RIF1: variants seen among roughly 807,000 people sequenced by gnomAD.
RIF1 encodes the protein telomere-associated protein RIF1.
RIF1 carries 45 observed loss-of-function variants against 247.1 expected under a neutral mutation model. The observed-to-expected ratio is 0.18, with a 90% CI of 0.14 to 0.23. The LOEUF (loss-of-function observed/expected upper bound fraction) is 0.23. Among genes scored for constraint, RIF1 ranks in the 10% least tolerant of loss-of-function variants. The pLI, the probability that RIF1 is intolerant of heterozygous loss-of-function variation, is 1.00. For missense variants in RIF1, 2,967 were observed against 2,862.5 expected, an observed-to-expected ratio of 1.04 and a Z score of -0.83; for synonymous variants, 1,087 against 978.8, an observed-to-expected ratio of 1.11 and a Z score of -2.06.
intron 34 of RIF1, among the ~76,000 whole-genome samples, chr2:151,470,141 A>G (rs1465254648): frequency 5.3e-5 from 8 of 152,190 alleles, no homozygotes; most frequent in East Asian, 1.9e-4. Flanking sequence ...TACCAAAACC[A>G]TACAGATTTG....
intron 18 of RIF1, among the ~76,000 whole-genome samples, 194 bp from the exon 19 acceptor site, chr2:151,445,144 A>C (rs1292961870): frequency 3.3e-5 from 5 of 152,248 alleles, no homozygotes; most frequent in Non-Finnish European, 7.3e-5. Flanking sequence ...GTAGGACCTC[A>C]TCTGAACATA....
Position 151,446,549 on chromosome 2 carries a change from T to G in RIF1, c.2218T>G (p.Ser740Ala), listed in dbSNP as rs749695289. 2 of 1,612,956 alleles carry G rather than the reference T, an allele frequency of 1.2e-6. No homozygotes were observed. The highest frequency in any genetic ancestry group is 1.7e-6 in the Non-Finnish European group (2 of 1,179,838). ...TGAGGAACTTTCTTCCAAGATAATGTCCAGTTTGGAAGATGAAGGCTTTTC... is the reference window on the plus strand; with the variant it reads ...TGAGGAACTTTCTTCCAAGATAATGGCCAGTTTGGAAGATGAAGGCTTTTC... ...CCEELSSKIM[S>A]SLEDEGFSNL... Residue 740 changes from serine (S) to alanine (A), a missense_variant, in exon 20 of 36, where the codon TCC becomes GCC. Around this residue, in one of 7 missense-constraint regions of RIF1, gnomAD observed 2,028 missense variants for 1,825.6 expected, o/e 1.11. Transcript: ENST00000444746.
chr2:151,426,574 T>G (rs1054165177), intron 8 of RIF1, among the ~76,000 whole-genome samples: 15 of 152,172 alleles, frequency 9.9e-5, no homozygotes, highest in African/African-American at 3.6e-4. Context: ...GTGATGAATC[T>G]GCATATAATG....
At position 151,441,960 on chromosome 2, in the gene RIF1, C is replaced by T. The variant is rs1316102756; in HGVS notation, c.1703C>T (p.Ala568Val). ...CCTCAGAAAGTATTAGGTTCACCAG[C>T]ATATCAGGTTGCTAATATGGATATT... ...GLPQKVLGSPAYQVANMDILN... is the reference protein window; with the variant it reads ...GLPQKVLGSPVYQVANMDILN... The change falls in exon 16 of 36, where the codon GCA becomes GTA. Residue 568 changes from alanine to valine, a missense_variant. Physicochemically the swap from Ala to Val is moderately conservative, Grantham distance 64. This residue lies in a region of RIF1 where 369 missense variants were observed against 322.0 expected (regional missense o/e 1.15). Transcript: ENST00000444746. 3 of 1,560,118 alleles carry T rather than the reference C, an allele frequency of 1.9e-6. No homozygotes were observed. The highest frequency in any genetic ancestry group is 2.6e-6 in the Non-Finnish European group (3 of 1,146,440).
rs1558975716 is a variant in RIF1 at position 151,442,387 on chromosome 2, T to TA, written c.1734+396_1734+397insA. Among the ~76,000 whole-genome samples the TA allele has an allele frequency of 3.8e-3, 571 of 149,602 alleles. 3 individuals are homozygous for TA. The highest frequency in any genetic ancestry group is 0.01 in the Middle Eastern group (3 of 292). The stretch of plus-strand genomic sequence containing the variant: ...TGTGCCCAGCATATTTCCCTTTTTT[T>TA]TAAAAAAAAAAAAAAAAAGAAAGAT... On this transcript the variant is annotated intron_variant, in intron 16 of 35. Coordinates refer to ENST00000444746, the MANE Select transcript of RIF1 (RefSeq NM_018151.5).
At chr2:151,454,431 T>C (rs1010345510) in intron 21 of RIF1, among the ~76,000 whole-genome samples, 4 of 152,174 alleles carry the variant, frequency 2.6e-5, no homozygotes, top group Non-Finnish European at 5.9e-5. Context: ...TTCAATGTTA[T>C]TTGTAGGGAT....
At position 151,481,676 on chromosome 2, in the gene RIF1, CTGCAAATAA is replaced by C. The variant is rs1256290560; in HGVS notation, c.*6608_*6616del. 2.6e-5 allele frequency: 4 copies of C among 152,196 alleles called. No individual in the cohort carries two copies. The highest frequency in any genetic ancestry group is 6.5e-5 in the Admixed American group (1 of 15,280). 9.4% of individuals were successfully genotyped at this position (152,196 alleles called of 1,614,324 possible). On this transcript the variant is annotated 3_prime_UTR_variant, in exon 36 of 36. Transcript: ENST00000444746. Reference sequence around the variant, plus strand: ...AAGTACTTGTTCATTCCTCAGTTACCTGCAAATAATGGAAATAATGGTGCAGTCAGTTTT... The same window carrying C: ...AAGTACTTGTTCATTCCTCAGTTACCTGGAAATAATGGTGCAGTCAGTTTT...
At chr2:151,461,966 C>T (rs567471033) in intron 27 of RIF1, among the ~76,000 whole-genome samples, 15 of 152,230 alleles carry the variant, frequency 9.9e-5, no homozygotes, top group African/African-American at 3.1e-4. Context: ...CTCTGCCTCC[C>T]GGGCTCAAGT....
chr2:151,477,397 A>C lies in RIF1; in HGVS notation c.*2326A>C, dbSNP rs1356699083. 1 of 151,856 alleles carries C rather than the reference A, an allele frequency of 6.6e-6. No homozygotes were observed. The highest frequency in any genetic ancestry group is 6.6e-5 in the Admixed American group (1 of 15,244). The allele number at this position is 151,856 out of a possible 1,614,324, so 9.4% of individuals were successfully genotyped here. ...TATTTAAGAAGAAAAAACTAGTGGC[A>C]TACAGGATTGTCATGTAGTATCTTT... is the stretch of plus-strand genomic sequence containing the variant. On this transcript the variant is annotated 3_prime_UTR_variant, in exon 36 of 36. Transcript: ENST00000444746.
At chr2:151,457,697 C>T (rs908935561) in intron 23 of RIF1, 64 bp from the exon 24 acceptor site, 61 of 1,206,068 alleles carry the variant, frequency 5.1e-5, no homozygotes, top group Non-Finnish European at 6.9e-5. Flanking sequence ...ATTGAAATAG[C>T]AACATATATT....
intron 25 of RIF1, among the ~76,000 whole-genome samples, chr2:151,459,598 T>C (rs1395458048): frequency 6.6e-6 from 1 of 152,236 alleles, no homozygotes; most frequent in Non-Finnish European, 1.5e-5. Context: ...ATATATTCTG[T>C]TGAGGGGAAA....
chr2:151,518,926 G>A, the RIF1 span: 1 of 1,434,552 alleles, frequency 7.0e-7, no homozygotes, highest in Non-Finnish European at 9.8e-7. Flanking sequence ...TTCCAAATGG[G>A]TAAAACAAGC....
chr2:151,428,003 G>A (rs1205421493), intron 8 of RIF1, among the ~76,000 whole-genome samples: 1 of 152,172 alleles, frequency 6.6e-6, no homozygotes. Context: ...GTTGCAGTGA[G>A]CTGAGATCCA....
chr2:151,415,818 A>G (rs906458323), intron 4 of RIF1, among the ~76,000 whole-genome samples: 2 of 152,152 alleles, frequency 1.3e-5, no homozygotes, highest in Non-Finnish European at 2.9e-5. Context: ...TGGAGGTTGC[A>G]GTGAGCCAAG....
the RIF1 span, chr2:151,530,931 T>TA: frequency 2.8e-6 from 3 of 1,060,008 alleles, no homozygotes; most frequent in Non-Finnish European, 4.3e-6. Flanking sequence ...GGACCAGGGT[T>TA]TGTTACATCT....
chr2:151,500,593 CT>C (rs11428843), intron 11 of RIF1, among the ~76,000 whole-genome samples: 306 of 118,438 alleles, frequency 2.6e-3, no homozygotes, highest in African/African-American at 7.5e-3. Context: ...TTCTTTCTTC[CT>C]TTTTTTTTTT....
At chr2:151,533,564 A>G in the RIF1 span, 1 of 1,475,464 alleles carries the variant, frequency 6.8e-7, no homozygotes, top group Non-Finnish European at 9.3e-7. Context: ...TGCAAAGAGC[A>G]GTGAAGCACA....
downstream of RIF1, chr2:151,512,718 G>C (rs752650720): frequency 6.3e-7 from 1 of 1,578,290 alleles, no homozygotes; most frequent in South Asian, 1.1e-5. Context: ...GTGATGGCAT[G>C]ACGAATGTCC....
At chr2:151,458,673 C>G in intron 24 of RIF1, 138 bp from the exon 25 acceptor site, 1 of 434,250 alleles carries the variant, frequency 2.3e-6, no homozygotes, top group Non-Finnish European at 4.1e-6. Context: ...TTTATATACA[C>G]ATAGTAAGGA....
Sources: allele counts gnomAD v4.1 joint callset (sites outside exome capture counted in the v4.1 genomes callset), GRCh38; gene constraint gnomAD v4.1.1; regional missense constraint gnomAD v4.1.1; transcripts MANE v1.5; gene names NCBI Gene and HGNC (gene_info 2026-07-23, HGNC 2026-07-21).